Variants in TMEM51 observed in about 807,000 individuals in gnomAD.
TMEM51 encodes the protein transmembrane protein 51.
Under a neutral mutation model 13.6 loss-of-function variants are expected in TMEM51, and 8 were observed. That is an observed-to-expected ratio of 0.59 (90% CI 0.35 to 1.07). TMEM51 has a LOEUF of 1.07. TMEM51 is among the 50% of genes least tolerant of loss of function. The pLI, the probability that TMEM51 is intolerant of heterozygous loss-of-function variation, is 0.02. For synonymous variants in TMEM51, 147 were observed against 144.4 expected, an observed-to-expected ratio of 1.02 and a Z score of -0.13; for missense variants, 279 against 330.7, an observed-to-expected ratio of 0.84 and a Z score of 1.21.
intron 1 of TMEM51, among the ~76,000 whole-genome samples, chr1:15,166,785 T>C (rs1296381500): frequency 6.6e-6 from 1 of 152,170 alleles, no homozygotes; most frequent in Non-Finnish European, 1.5e-5. Context: ...TAATTTTCCA[T>C]TTGAACACAG....
intron 1 of TMEM51, among the ~76,000 whole-genome samples, chr1:15,195,821 C>T (rs753141097): frequency 2.6e-5 from 4 of 152,158 alleles, no homozygotes; most frequent in Admixed American, 6.5e-5. Flanking sequence ...CCTGCCCAAC[C>T]GACTGCCCTC....
At chr1:15,215,478 G>C in intron 3 of TMEM51, 47 bp downstream of exon 3, 1 of 1,480,512 alleles carries the variant, frequency 6.8e-7, no homozygotes, top group South Asian at 1.3e-5. Context: ...GGATGGGCAC[G>C]CACGCATGCA....
chr1:15,218,291 TTCTC>T (rs894263572), intron 3 of TMEM51, among the ~76,000 whole-genome samples: 11 of 152,374 alleles, frequency 7.2e-5, no homozygotes, highest in Non-Finnish European at 1.5e-4. Flanking sequence ...CAGATATTCT[TTCTC>T]TACTGAAAGT....
intron 2 of TMEM51, among the ~76,000 whole-genome samples, chr1:15,212,831 A>G (rs1644363821): frequency 6.6e-6 from 1 of 152,358 alleles, no homozygotes. Context: ...GCATATGTAC[A>G]TAGGTGCTCG....
chr1:15,195,537 C>T (rs1302576215), intron 1 of TMEM51, among the ~76,000 whole-genome samples: 1 of 152,100 alleles, frequency 6.6e-6, no homozygotes, highest in African/African-American at 2.4e-5. Flanking sequence ...CACCCTCGTT[C>T]ATCTTCTCTA....
Position 15,167,343 on chromosome 1 carries a change from A to C in TMEM51, c.-267+13389A>C, listed in dbSNP as rs1476150562. Reference sequence around the variant, plus strand: ...CTCCATCTCAAAAAAAAAAAAAAAAAAAAAAAAAAAAAAGAATACATTTGA... The same window carrying C: ...CTCCATCTCAAAAAAAAAAAAAAAACAAAAAAAAAAAAAGAATACATTTGA... On this transcript the variant is annotated intron_variant, in intron 1 of 3. Coordinates refer to ENST00000376008, the MANE Select transcript of TMEM51 (RefSeq NM_001136218.2). Among the ~76,000 whole-genome samples, 5 of 146,226 alleles carry C rather than the reference A, an allele frequency of 3.4e-5. No individual in the cohort carries two copies. The East Asian group carries it at 5.8e-4, about 17-fold the overall frequency.
At chr1:15,201,133 T>A (rs533012282) in intron 1 of TMEM51, among the ~76,000 whole-genome samples, 72 of 152,338 alleles carry the variant, frequency 4.7e-4, no homozygotes, top group African/African-American at 1.7e-3. Flanking sequence ...GCTGCACCAT[T>A]CACTGTGTGA....
At chr1:15,155,976 A>T (rs531360566) in intron 1 of TMEM51, among the ~76,000 whole-genome samples, 4 of 152,186 alleles carry the variant, frequency 2.6e-5, no homozygotes, top group African/African-American at 9.6e-5. Flanking sequence ...TAGGAGAGAG[A>T]GGCTGGCCTG....
At chr1:15,158,818 C>T (rs6429718) in intron 1 of TMEM51, among the ~76,000 whole-genome samples, 32,778 of 152,056 alleles carry the variant, frequency 0.22, 3,582 homozygotes, top group East Asian at 0.31. Flanking sequence ...CAGCCACTTA[C>T]TAGTGGATTT....
chr1:15,212,563 A>G (rs1335603170), intron 2 of TMEM51, among the ~76,000 whole-genome samples: 1 of 152,228 alleles, frequency 6.6e-6, no homozygotes, highest in Admixed American at 6.5e-5. Context: ...CTTCCAGCAC[A>G]ACCCCCTGGC....
At chr1:15,158,687 A>C (rs1196675408) in intron 1 of TMEM51, among the ~76,000 whole-genome samples, 1 of 152,196 alleles carries the variant, frequency 6.6e-6, no homozygotes, top group Non-Finnish European at 1.5e-5. Flanking sequence ...TTCTGGGAAC[A>C]GGATGGGGCG....
intron 1 of TMEM51, among the ~76,000 whole-genome samples, chr1:15,183,975 G>T (rs79826575): frequency 1.3e-5 from 2 of 152,178 alleles, no homozygotes; most frequent in African/African-American, 2.4e-5. Context: ...CAGCAGGTCC[G>T]GGGTGGCCCT....
At chr1:15,215,985 T>C (rs1021597683) in intron 3 of TMEM51, among the ~76,000 whole-genome samples, 1 of 151,878 alleles carries the variant, frequency 6.6e-6, no homozygotes. Flanking sequence ...TGAGCTGAGA[T>C]ACCGCCACTG....
chr1:15,169,862 TATA>T (rs780952980), intron 1 of TMEM51, among the ~76,000 whole-genome samples: 1 of 152,244 alleles, frequency 6.6e-6, no homozygotes, highest in Non-Finnish European at 1.5e-5. Flanking sequence ...GACTATTTAC[TATA>T]ATGTTTCTAA....
At position 15,219,603 on chromosome 1, in the gene TMEM51, T is replaced by A. The variant is rs760121345; in HGVS notation, c.622T>A (p.Ser208Thr). ...LKPLKVRRIK[S>T]EKLHLKDFRI... ...ACCGCTGAAAGTTCGAAGGATTAAATCTGAAAAGCTTCACCTCAAAGACTT... is the reference window on the plus strand; with the variant it reads ...ACCGCTGAAAGTTCGAAGGATTAAAACTGAAAAGCTTCACCTCAAAGACTT... The change falls in exon 4 of 4, where the codon TCT becomes ACT. Residue 208 changes from serine (S) to threonine (T), a missense_variant. Ser to Thr is a moderately conservative substitution (Grantham distance 58, BLOSUM62 1). Transcript: ENST00000376008. 1 of 1,613,944 alleles carries A rather than the reference T, an allele frequency of 6.2e-7. No homozygotes were observed. The highest frequency in any genetic ancestry group is 1.3e-5 in the African/African-American group (1 of 74,922).
At chr1:15,196,256 GC>G (rs1035045045) in intron 1 of TMEM51, among the ~76,000 whole-genome samples, 11 of 152,140 alleles carry the variant, frequency 7.2e-5, no homozygotes, top group African/African-American at 2.7e-4. Flanking sequence ...CTTTACAACA[GC>G]CAATTATGCA....
intron 1 of TMEM51, among the ~76,000 whole-genome samples, chr1:15,199,299 A>G (rs149708279): frequency 7.2e-5 from 11 of 151,884 alleles, no homozygotes; most frequent in Admixed American, 2.6e-4. Flanking sequence ...TGCCTGGCTG[A>G]TTTTTTATAT....
At chr1:15,187,560 T>G (rs1181635978) in intron 1 of TMEM51, among the ~76,000 whole-genome samples, 1 of 152,174 alleles carries the variant, frequency 6.6e-6, no homozygotes, top group Non-Finnish European at 1.5e-5. Context: ...GCTTCCTTTC[T>G]TTTCTCCTGT....
intron 1 of TMEM51, among the ~76,000 whole-genome samples, chr1:15,199,975 T>A (rs1644123573): frequency 2.0e-5 from 3 of 151,928 alleles, no homozygotes; most frequent in Admixed American, 6.6e-5. Flanking sequence ...CGGCCCAGGG[T>A]AGATCTTTTT....
Sources: allele counts gnomAD v4.1 joint callset (sites outside exome capture counted in the v4.1 genomes callset), GRCh38; gene constraint gnomAD v4.1.1; transcripts MANE v1.5; gene names NCBI Gene and HGNC (gene_info 2026-07-23, HGNC 2026-07-21).